Variants in FARS2 observed in about 807,000 individuals in gnomAD.
FARS2 encodes phenylalanyl-tRNA synthetase 2, mitochondrial.
In FARS2, 40 loss-of-function variants were observed where a neutral mutation model predicts 46.4. That is an observed-to-expected ratio of 0.86 (90% CI 0.67 to 1.12). The LOEUF (loss-of-function observed/expected upper bound fraction) is 1.12. Ranked by LOEUF, FARS2 falls within the 50% of genes most tolerant of loss-of-function variation. FARS2 has a pLI of 0.00. For missense variants in FARS2, 513 were observed against 567.9 expected, an observed-to-expected ratio of 0.90 and a Z score of 0.98; for synonymous variants, 234 against 214.9, an observed-to-expected ratio of 1.09 and a Z score of -0.78.
At chr6:5,660,650 G>GA (rs58377881) in intron 6 of FARS2, among the ~76,000 whole-genome samples, 6,018 of 104,038 alleles carry the variant, frequency 0.058, 428 homozygotes, top group African/African-American at 0.19. Context: ...CCCTGTCTCA[G>GA]AAAAAAAAAA....
At chr6:5,355,909 C>T (rs1228312968) in intron 1 of FARS2, among the ~76,000 whole-genome samples, 1 of 152,148 alleles carries the variant, frequency 6.6e-6, no homozygotes, top group Non-Finnish European at 1.5e-5. Flanking sequence ...AATTTGCCTG[C>T]TCTCTAAAAT....
chr6:5,369,435 A>T (rs1480624919), intron 2 of FARS2, among the ~76,000 whole-genome samples: 1 of 151,914 alleles, frequency 6.6e-6, no homozygotes, highest in Non-Finnish European at 1.5e-5. Flanking sequence ...TTCTCTCAAT[A>T]CTGACCCGCC....
chr6:5,514,089 C>CATATATATATATATATATATATATAT (rs57189455), intron 4 of FARS2, among the ~76,000 whole-genome samples: 1 of 147,142 alleles, frequency 6.8e-6, no homozygotes, highest in African/African-American at 2.5e-5. Flanking sequence ...AAAATCTGGA[C>CATATATATATATATATATATATATAT]ATATATATAT....
In FARS2 at chr6:5,518,369, C is replaced by T. The variant is rs528386310; in HGVS notation, c.905-26811C>T. On this transcript the variant is annotated intron_variant, in intron 4 of 6. Transcript: ENST00000274680. The stretch of plus-strand genomic sequence containing the variant: ...TATTGGGAAGAATAAAGAGAGAGTT[C>T]CATTTTGGAAATGTTGATATAACTT... Among the ~76,000 whole-genome samples, 42 of 152,164 alleles carry T rather than the reference C, an allele frequency of 2.8e-4. No individual in the cohort carries two copies. In the South Asian group the frequency reaches 8.7e-3, roughly 32 times the overall value.
At chr6:5,626,579 G>T (rs1382834395) in intron 6 of FARS2, among the ~76,000 whole-genome samples, 1 of 152,092 alleles carries the variant, frequency 6.6e-6, no homozygotes, top group Non-Finnish European at 1.5e-5. Flanking sequence ...GCCTTGCAAA[G>T]CCCCTCTCCC....
At chr6:5,640,419 C>T (rs1582649430) in intron 6 of FARS2, among the ~76,000 whole-genome samples, 1 of 152,172 alleles carries the variant, frequency 6.6e-6, no homozygotes, top group East Asian at 1.9e-4. Flanking sequence ...GCGAGTTGGC[C>T]ACTCCCAGCC....
chr6:5,369,120 G>C lies in FARS2; in HGVS notation c.550G>C (p.Asp184His). ...VGDVYRRDQI[D>H]SQHYPIFHQL... ...TGATGTCTACAGGCGTGACCAGATC[G>C]ACTCCCAGCACTACCCTATTTTCCA... The change falls in exon 2 of 7, where the codon GAC (aspartate) becomes CAC (histidine). Residue 184 changes from aspartate (D) to histidine (H), a missense_variant. By Grantham distance (81) the Asp-to-His change is moderately conservative. Transcript: ENST00000274680. 1 of 1,613,036 alleles carries C rather than the reference G, an allele frequency of 6.2e-7. No homozygotes were observed. Among genetic ancestry groups the C allele is most frequent in the Non-Finnish European group, 8.5e-7 (1 of 1,180,010 alleles).
At chr6:5,426,183 G>GA (rs59478390) in intron 3 of FARS2, among the ~76,000 whole-genome samples, 2,112 of 151,542 alleles carry the variant, frequency 0.014, 57 homozygotes, top group African/African-American at 0.048. Context: ...AAGGAAATAG[G>GA]AAAAAAAACC....
intron 6 of FARS2, among the ~76,000 whole-genome samples, chr6:5,652,810 C>T (rs1777432337): frequency 6.6e-6 from 1 of 152,220 alleles, no homozygotes; most frequent in Non-Finnish European, 1.5e-5. Context: ...TGTCTGACTG[C>T]TCCCGAGGCG....
intron 1 of FARS2, among the ~76,000 whole-genome samples, chr6:5,318,387 C>CAAAAAAAAAAAAAAAAAAAAAAAACA (rs753113504): frequency 2.6e-5 from 2 of 77,170 alleles, no homozygotes; most frequent in Non-Finnish European, 5.3e-5. Context: ...AAAAAAAAAC[C>CAAAAAAAAAAAAAAAAAAAAAAAACA]AAAAAAAAAA....
At chr6:5,558,179 G>A (rs1379034504) in intron 5 of FARS2, among the ~76,000 whole-genome samples, 1 of 152,116 alleles carries the variant, frequency 6.6e-6, no homozygotes, top group Non-Finnish European at 1.5e-5. Flanking sequence ...CCCTCATCCT[G>A]TACAAAAGAA....
At chr6:5,433,403 C>T (rs1763341999) in intron 4 of FARS2, among the ~76,000 whole-genome samples, 1 of 152,130 alleles carries the variant, frequency 6.6e-6, no homozygotes, top group African/African-American at 2.4e-5. Context: ...AACAGAGGGT[C>T]CCCTTAGTAG....
chr6:5,566,850 C>T (rs1018220642), intron 5 of FARS2, among the ~76,000 whole-genome samples: 1 of 152,170 alleles, frequency 6.6e-6, no homozygotes, highest in African/African-American at 2.4e-5. Flanking sequence ...AACCAACAAG[C>T]CTTAATTAGG....
intron 3 of FARS2, among the ~76,000 whole-genome samples, chr6:5,416,887 C>T (rs1486843140): frequency 6.6e-6 from 1 of 152,204 alleles, no homozygotes; most frequent in Non-Finnish European, 1.5e-5. Context: ...TTCCCTGTTT[C>T]CCATCTTGGC....
chr6:5,611,296 G>C (rs1474808525), intron 5 of FARS2, among the ~76,000 whole-genome samples: 1 of 152,214 alleles, frequency 6.6e-6, no homozygotes, highest in Non-Finnish European at 1.5e-5. Context: ...AAGCCACTTA[G>C]TGTGTTTAAG....
At chr6:5,254,161 G>A in the FARS2 span, among the ~76,000 whole-genome samples, 8 of 152,330 alleles carry the variant, frequency 5.3e-5, no homozygotes, top group African/African-American at 1.4e-4. Context: ...CTGGTCAACA[G>A]AAACGGCCCA....
intron 1 of FARS2, among the ~76,000 whole-genome samples, chr6:5,268,301 T>A (rs1301263072): frequency 8.6e-5 from 13 of 151,960 alleles, no homozygotes; most frequent in Non-Finnish European, 1.9e-4. Context: ...CTGAATGGTA[T>A]TGCCTAGGTT....
intron 6 of FARS2, among the ~76,000 whole-genome samples, chr6:5,693,874 C>G (rs1259631524): frequency 6.6e-6 from 1 of 152,180 alleles, no homozygotes. Flanking sequence ...TATATGGTAG[C>G]AAGTGTGCAA....
chr6:5,567,738 A>G (rs1215655156), intron 5 of FARS2, among the ~76,000 whole-genome samples: 1 of 152,238 alleles, frequency 6.6e-6, no homozygotes, highest in African/African-American at 2.4e-5. Flanking sequence ...AGTCAAATCC[A>G]TCCCCAACAT....
Sources: gnomAD v4.1 joint callset for allele counts (sites outside exome capture counted in the v4.1 genomes callset) on GRCh38, gnomAD v4.1.1 for gene constraint, MANE v1.5 for transcripts, NCBI Gene and HGNC (gene_info 2026-07-23, HGNC 2026-07-21) for gene names.